Variants in RPS21 observed in about 807,000 individuals in gnomAD.
The protein encoded by RPS21 is ribosomal protein S21.
Under a neutral mutation model 14.5 loss-of-function variants are expected in RPS21, and 6 were observed. That is an observed-to-expected ratio of 0.41 (90% CI 0.23 to 0.82). The LOEUF (loss-of-function observed/expected upper bound fraction) is 0.82. Among genes scored for constraint, RPS21 ranks in the 40% least tolerant of loss-of-function variants. The pLI, the probability that RPS21 is intolerant of heterozygous loss-of-function variation, is 0.31. For synonymous variants in RPS21, 61 were observed against 42.6 expected (o/e 1.43, Z -1.69); for missense variants, 85 against 115.0 (o/e 0.74, Z 1.19).
Position 62,388,326 on chromosome 20 carries a change from C to T in RPS21, c.204C>T (p.Ser68=). The T allele has an allele frequency of 6.3e-7, 1 of 1,591,014 alleles. No individual in the cohort carries two copies. Among genetic ancestry groups the T allele is most frequent in the Non-Finnish European group, 8.5e-7 (1 of 1,174,262 alleles). ...AIRRMGESDD[S]ILRLAKADGI... ...TTCTTAAGGGTGAGTCAGATGATTC[C>T]ATTCTCCGATTGGCCAAGGCCGATG... The change falls in exon 5 of 6, where the codon TCC becomes TCT. Residue 68 remains serine (S), a synonymous_variant. Transcript: ENST00000343986.
rs749116581 is a variant in RPS21, at chr20:62,387,403, C to T, written c.50+15C>T. 3.7e-6 allele frequency: 6 copies of T among 1,608,092 alleles called. No homozygotes were observed. The highest frequency in any genetic ancestry group is 2.2e-5 in the East Asian group (1 of 44,528). ...CCGCGGAAATGGTAAGCGCCCCCCACATGCCTCTCTTCCGTCCTTACCTAA... is the reference window on the plus strand; with the variant it reads ...CCGCGGAAATGGTAAGCGCCCCCCATATGCCTCTCTTCCGTCCTTACCTAA... On this transcript the variant is annotated intron_variant, in intron 2 of 5. Transcript: ENST00000343986.
chr20:62,387,270 G>C (rs1460269815), intron 1 of RPS21, 51 bp from the exon 2 acceptor site: 2 of 1,437,306 alleles, frequency 1.4e-6, no homozygotes, highest in African/African-American at 2.8e-5. Flanking sequence ...TGCGCCGGGA[G>C]CCGGGGCACG....
chr20:62,387,992 G>A (rs879859690), intron 4 of RPS21, 78 bp downstream of exon 4: 2 of 1,613,604 alleles, frequency 1.2e-6, no homozygotes, highest in Non-Finnish European at 1.7e-6. Flanking sequence ...GTGTGATGGT[G>A]CCTGAGTAGA....
At chr20:62,388,249 C>T in intron 4 of RPS21, 60 bp from the exon 5 acceptor site, 1 of 1,543,546 alleles carries the variant, frequency 6.5e-7, no homozygotes, top group Non-Finnish European at 8.7e-7. Flanking sequence ...AGCTGACCTT[C>T]TGCCATCTCA....
At chr20:62,388,067 A>G (rs1987806696) in intron 4 of RPS21, 153 bp downstream of exon 4, 2 of 1,559,208 alleles carry the variant, frequency 1.3e-6, no homozygotes, top group Middle Eastern at 1.7e-4. Context: ...TTGAGGGTGG[A>G]AGAGGGGTGC....
At chr20:62,388,262 C>T (rs1403457131) in intron 4 of RPS21, 47 bp from the exon 5 acceptor site, 4 of 1,562,036 alleles carry the variant, frequency 2.6e-6, no homozygotes, top group Middle Eastern at 1.7e-4. Context: ...CCATCTCAGG[C>T]AGCCGGAGTG....
chr20:62,387,316 C>A lies in RPS21; in HGVS notation c.-18-5C>A. The A allele has an allele frequency of 6.3e-7, 1 of 1,584,936 alleles. No homozygotes were observed. Among genetic ancestry groups the A allele is most frequent in the East Asian group, 2.3e-5 (1 of 42,948 alleles). ...TACTCACGGCGCCGCGCGGTGACTCCCCAGGCGCAGCCCAGCCTCGAAATG... is the reference window on the plus strand; with the variant it reads ...TACTCACGGCGCCGCGCGGTGACTCACCAGGCGCAGCCCAGCCTCGAAATG... On this transcript the variant is annotated splice_region_variant and splice_polypyrimidine_tract_variant and intron_variant, in intron 1 of 5. Coordinates refer to ENST00000343986, the MANE Select transcript of RPS21 (RefSeq NM_001024.4).
intron 4 of RPS21, 85 bp from the exon 5 acceptor site, chr20:62,388,224 G>A (rs1018386798): frequency 9.4e-6 from 14 of 1,490,450 alleles, no homozygotes; most frequent in Non-Finnish European, 1.2e-5. Flanking sequence ...GGGGAGAGAC[G>A]TGGGCTGGTG....
rs749930146 is a variant in RPS21 at position 62,387,293 on chromosome 20, C to T, written c.-18-28C>T. 13 of 1,551,282 alleles carry T rather than the reference C, an allele frequency of 8.4e-6. No individual in the cohort carries two copies. In the Admixed American group the frequency reaches 1.9e-4, roughly 23 times the overall value. On this transcript the variant is annotated intron_variant, in intron 1 of 5. Transcript: ENST00000343986. ...GAGCCGGGGCACGGTTCCGGCCGTA[C>T]TCACGGCGCCGCGCGGTGACTCCCC...
intron 5 of RPS21, 32 bp from the exon 6 acceptor site, chr20:62,388,425 G>T (rs1987830347): frequency 6.2e-7 from 1 of 1,613,918 alleles, no homozygotes; most frequent in Non-Finnish European, 8.5e-7. Flanking sequence ...CAGAGGCGTG[G>T]TCTTAACGTT....
intron 4 of RPS21, 124 bp downstream of exon 4, chr20:62,388,038 G>A: frequency 2.5e-6 from 4 of 1,576,956 alleles, no homozygotes; most frequent in Middle Eastern, 1.7e-4. Flanking sequence ...GCTGGACTGG[G>A]CTGGCCGCCT....
rs746006709 is a variant in RPS21, at chr20:62,388,381, A to T, written c.242+17A>T. 3 of 1,608,000 alleles carry T rather than the reference A, an allele frequency of 1.9e-6. No homozygotes were observed. Among genetic ancestry groups the T allele is most frequent in the Non-Finnish European group, 1.7e-6 (2 of 1,178,396 alleles). On this transcript the variant is annotated intron_variant, in intron 5 of 5. Coordinates refer to ENST00000343986, the MANE Select transcript of RPS21 (RefSeq NM_001024.4). ...CGTCTCAAAGTAAGGTTGGGGGCTC[A>T]CATTTGGGCAGAGTGAGTGGACTAG... is the stretch of plus-strand genomic sequence containing the variant.
At position 62,387,758 on chromosome 20, in the gene RPS21, G is replaced by A. The variant is rs757483136; in HGVS notation, c.114+84G>A. The A allele has an allele frequency of 5.6e-6, 9 of 1,613,936 alleles. 1 individual carries two copies. Among genetic ancestry groups the A allele is most frequent in the South Asian group, 4.4e-5 (4 of 91,086 alleles). On this transcript the variant is annotated intron_variant, in intron 3 of 5. Transcript: ENST00000343986. ...GTCCCATTGTGGAGGAGCCCCTGGG[G>A]TGAAGGTACAGGCAGAGGCTGGCTT...
rs568114741 is a variant in RPS21, at chr20:62,388,357, G to A, written c.235G>A (p.Val79Ile). 6.2e-6 allele frequency: 10 copies of A among 1,604,248 alleles called. No individual in the cohort carries two copies. Among genetic ancestry groups the A allele is most frequent in the Admixed American group, 3.5e-5 (2 of 56,674 alleles). The change falls in exon 5 of 6, where the codon GTC becomes ATC. Residue 79 changes from valine (V) to isoleucine (I), a missense_variant. Val to Ile is a conservative substitution (Grantham distance 29, BLOSUM62 3). Coordinates refer to ENST00000343986, the MANE Select transcript of RPS21 (RefSeq NM_001024.4). ...ILRLAKADGI[V>I]SKNF ...CCGATTGGCCAAGGCCGATGGCATC[G>A]TCTCAAAGTAAGGTTGGGGGCTCAC...
At chr20:62,387,265 C>T in intron 1 of RPS21, 56 bp from the exon 2 acceptor site, 4 of 1,406,946 alleles carry the variant, frequency 2.8e-6, no homozygotes, top group Non-Finnish European at 3.9e-6. Context: ...CGGTTTGCGC[C>T]GGGAGCCGGG....
At position 62,387,310 on chromosome 20, in the gene RPS21, T is replaced by C. The variant is rs1987764617; in HGVS notation, c.-18-11T>C. The C allele has an allele frequency of 6.3e-7, 1 of 1,577,950 alleles. No homozygotes were observed. The highest frequency in any genetic ancestry group is 1.2e-5 in the South Asian group (1 of 86,508). ...CGGCCGTACTCACGGCGCCGCGCGG[T>C]GACTCCCCAGGCGCAGCCCAGCCTC... On this transcript the variant is annotated splice_polypyrimidine_tract_variant and intron_variant, in intron 1 of 5. Coordinates refer to ENST00000343986, the MANE Select transcript of RPS21 (RefSeq NM_001024.4).
At chr20:62,388,064 T>C (rs1601468337) in intron 4 of RPS21, 150 bp downstream of exon 4, 3 of 1,562,110 alleles carry the variant, frequency 1.9e-6, no homozygotes, top group Non-Finnish European at 1.7e-6. Flanking sequence ...TTCTTGAGGG[T>C]GGAAGAGGGG....
chr20:62,388,436 G>A, intron 5 of RPS21, 21 bp from the exon 6 acceptor site: 1 of 1,613,988 alleles, frequency 6.2e-7, no homozygotes, highest in South Asian at 1.1e-5. Flanking sequence ...TCTTAACGTT[G>A]TCCTTTTCCC....
chr20:62,387,972 G>A (rs201201136), intron 4 of RPS21, 58 bp downstream of exon 4: 5 of 1,614,136 alleles, frequency 3.1e-6, no homozygotes, highest in Non-Finnish European at 4.2e-6. Flanking sequence ...TTTACCGTGC[G>A]CATTGGAGTG....
Sources: allele counts gnomAD v4.1 joint callset, GRCh38; gene constraint gnomAD v4.1.1; transcripts MANE v1.5; gene names NCBI Gene and HGNC (gene_info 2026-07-23, HGNC 2026-07-21).